LSAMP: variants seen among roughly 807,000 people sequenced by gnomAD.
LSAMP encodes limbic system associated membrane protein.
LSAMP carries 7 observed loss-of-function variants against 38.6 expected under a neutral mutation model. The ratio of observed to expected loss-of-function variants is 0.18; its 90% CI spans 0.10 to 0.34. LSAMP has a LOEUF of 0.34. LSAMP is among the 10% of genes least tolerant of loss of function. The probability of loss-of-function intolerance (pLI) is 1.00; values close to 1 mark genes in which losing one functional copy is unlikely to be tolerated. For missense variants in LSAMP, 313 were observed against 420.0 expected (o/e 0.75, Z 2.23); for synonymous variants, 154 against 166.8 (o/e 0.92, Z 0.59).
At chr3:115,827,286 G>A (rs1441887897) in intron 6 of LSAMP, among the ~76,000 whole-genome samples, 4 of 151,442 alleles carry the variant, frequency 2.6e-5, no homozygotes, top group African/African-American at 9.7e-5. Flanking sequence ...AAGGAGCATG[G>A]GATGGTAAAC....
intron 1 of LSAMP, among the ~76,000 whole-genome samples, chr3:116,118,466 CA>C (rs1311118353): frequency 6.6e-6 from 1 of 152,192 alleles, no homozygotes; most frequent in African/African-American, 2.4e-5. Flanking sequence ...CTACAGCTTC[CA>C]AAATTGTTTT....
chr3:116,162,582 G>A (rs940606931), intron 1 of LSAMP, among the ~76,000 whole-genome samples: 1 of 152,002 alleles, frequency 6.6e-6, no homozygotes, highest in Non-Finnish European at 1.5e-5. Flanking sequence ...ATACAGGTGT[G>A]TGTGTGTGAA....
At chr3:116,320,998 G>A (rs1050381425) in intron 1 of LSAMP, among the ~76,000 whole-genome samples, 3 of 152,064 alleles carry the variant, frequency 2.0e-5, no homozygotes, top group Non-Finnish European at 2.9e-5. Context: ...GCCTCTTGGT[G>A]AGGGTATCTT....
At chr3:116,218,541 T>G (rs2107613903) in intron 1 of LSAMP, among the ~76,000 whole-genome samples, 1 of 152,344 alleles carries the variant, frequency 6.6e-6, no homozygotes, top group East Asian at 1.9e-4. Context: ...TGTACAACAT[T>G]GATGACTTCT....
intron 1 of LSAMP, among the ~76,000 whole-genome samples, chr3:116,172,352 CTTT>C (rs200181227): frequency 6.3e-5 from 9 of 142,820 alleles, no homozygotes; most frequent in Admixed American, 1.4e-4. Flanking sequence ...TAAGGCTTTC[CTTT>C]TTTTTTTTTT....
intron 3 of LSAMP, among the ~76,000 whole-genome samples, chr3:115,995,420 T>G (rs1332944649): frequency 6.6e-6 from 1 of 152,128 alleles, no homozygotes; most frequent in African/African-American, 2.4e-5. Flanking sequence ...GGCACACTGA[T>G]AGAAGCCACT....
intron 1 of LSAMP, among the ~76,000 whole-genome samples, chr3:116,304,386 A>AGACAT (rs1311379274): frequency 6.6e-6 from 1 of 152,176 alleles, no homozygotes; most frequent in Non-Finnish European, 1.5e-5. Flanking sequence ...AAAGACATTC[A>AGACAT]GACATGACGA....
chr3:115,863,127 C>T (rs1322951596), intron 3 of LSAMP, among the ~76,000 whole-genome samples: 1 of 152,198 alleles, frequency 6.6e-6, no homozygotes, highest in Non-Finnish European at 1.5e-5. Flanking sequence ...CAGATTACTG[C>T]TATAGTCTCG....
intron 1 of LSAMP, among the ~76,000 whole-genome samples, chr3:116,442,447 A>C (rs1474653975): frequency 1.3e-5 from 2 of 152,124 alleles, no homozygotes; most frequent in Non-Finnish European, 1.5e-5. Flanking sequence ...GTAAAATGTC[A>C]CAAATAAAGT....
At chr3:116,389,961 T>C (rs2048671345) in intron 1 of LSAMP, among the ~76,000 whole-genome samples, 1 of 152,186 alleles carries the variant, frequency 6.6e-6, no homozygotes, top group African/African-American at 2.4e-5. Flanking sequence ...AATGTATAGT[T>C]AAACAAAGGG....
At chr3:116,312,050 T>C (rs1361479983) in intron 1 of LSAMP, among the ~76,000 whole-genome samples, 1 of 152,178 alleles carries the variant, frequency 6.6e-6, no homozygotes, top group Admixed American at 6.5e-5. Flanking sequence ...ATACAATCCA[T>C]TGATCAATGA....
At chr3:116,418,750 C>T (rs1008945275) in intron 1 of LSAMP, among the ~76,000 whole-genome samples, 15 of 152,162 alleles carry the variant, frequency 9.9e-5, no homozygotes, top group African/African-American at 3.4e-4. Context: ...TCTACATTTT[C>T]ATGTAGACAG....
intron 1 of LSAMP, among the ~76,000 whole-genome samples, chr3:116,178,299 C>T (rs1434050555): frequency 9.9e-5 from 15 of 152,056 alleles, no homozygotes; most frequent in Admixed American, 4.6e-4. Flanking sequence ...CCCGAGAACC[C>T]GGGACTACAG....
At chr3:116,397,914 A>G (rs1215027245) in intron 1 of LSAMP, among the ~76,000 whole-genome samples, 1 of 151,868 alleles carries the variant, frequency 6.6e-6, no homozygotes, top group Non-Finnish European at 1.5e-5. Context: ...CACATCTGTA[A>G]ATTTGTTTTG....
At chr3:116,037,865 G>C (rs890246068) in intron 2 of LSAMP, among the ~76,000 whole-genome samples, 1 of 152,046 alleles carries the variant, frequency 6.6e-6, no homozygotes, top group African/African-American at 2.4e-5. Context: ...CTCAACTTCA[G>C]TGGTATAAGC....
intron 1 of LSAMP, among the ~76,000 whole-genome samples, chr3:116,125,057 C>T (rs1049713471): frequency 6.6e-6 from 1 of 152,038 alleles, no homozygotes; most frequent in African/African-American, 2.4e-5. Flanking sequence ...TCCCAGGGAC[C>T]TCTAGCTTTG....
rs996792241 is a variant in LSAMP, at chr3:115,861,881, G to A, written c.515-9264C>T. Among the ~76,000 whole-genome samples the A allele has an allele frequency of 5.9e-5, 9 of 152,164 alleles. No homozygotes were observed. In the South Asian group the frequency reaches 1.7e-3, roughly 28 times the overall value. ...GTTGTAATTCAAATCACTGGAGCAG[G>A]GACTGCAGAACATTTGTAGGATGTA... On this transcript the variant is annotated intron_variant, in intron 3 of 6. Transcript: ENST00000490035.
intron 1 of LSAMP, among the ~76,000 whole-genome samples, chr3:116,387,172 G>C (rs1046467956): frequency 2.0e-5 from 3 of 152,128 alleles, no homozygotes; most frequent in African/African-American, 4.8e-5. Context: ...GTAGCATTTA[G>C]ATAGGAAAAT....
chr3:115,864,837 C>T (rs1935813225), intron 3 of LSAMP, among the ~76,000 whole-genome samples: 1 of 152,160 alleles, frequency 6.6e-6, no homozygotes, highest in Non-Finnish European at 1.5e-5. Flanking sequence ...AACGGTCAGG[C>T]TGTGCAGTAT....
Sources: allele counts gnomAD v4.1 joint callset (sites outside exome capture counted in the v4.1 genomes callset), GRCh38; gene constraint gnomAD v4.1.1; transcripts MANE v1.5; gene names NCBI Gene and HGNC (gene_info 2026-07-23, HGNC 2026-07-21).